ATG2B: variants seen among roughly 807,000 people sequenced by gnomAD.
ATG2B encodes autophagy-related protein 2 homolog B.
ATG2B carries 121 observed loss-of-function variants against 241.3 expected under a neutral mutation model. The observed-to-expected ratio is 0.50, with a 90% CI of 0.43 to 0.58. The LOEUF (loss-of-function observed/expected upper bound fraction) is 0.58. ATG2B is among the 20% of genes least tolerant of loss of function. ATG2B has a pLI of 0.00. For synonymous variants in ATG2B, 858 were observed against 876.6 expected, an observed-to-expected ratio of 0.98 and a Z score of 0.37; for missense variants, 2,306 against 2,491.6, an observed-to-expected ratio of 0.93 and a Z score of 1.59.
chr14:96,325,508 G>T (rs1566725977), intron 15 of ATG2B, 141 bp downstream of exon 15: 7 of 761,240 alleles, frequency 9.2e-6, no homozygotes, highest in Non-Finnish European at 1.0e-5. Flanking sequence ...ATACTAGAAA[G>T]ACATTGTTGC....
chr14:96,361,926 G>C (rs1888643369), intron 1 of ATG2B, among the ~76,000 whole-genome samples: 1 of 152,140 alleles, frequency 6.6e-6, no homozygotes, highest in Non-Finnish European at 1.5e-5. Flanking sequence ...GGCTAAGGAA[G>C]TAAGGGTTGG....
chr14:96,302,088 G>A lies in ATG2B; in HGVS notation c.5058C>T (p.His1686=), dbSNP rs117481952. The A allele has an allele frequency of 4.8e-3, 7,809 of 1,613,334 alleles. 245 individuals are homozygous for A. In the South Asian group the frequency reaches 0.058, roughly 12 times the overall value. ...GGGACCTGCCAGATTCTGGACACACGTGTAAGGCTTTCACTGTCAACTACA... is the reference window on the plus strand; with the variant it reads ...GGGACCTGCCAGATTCTGGACACACATGTAAGGCTTTCACTGTCAACTACA... ...HSNMLTVKAL[H]VCPESGRSPQ... Residue 1686 remains histidine, a synonymous_variant, in exon 34 of 42, where the codon CAC becomes CAT. Coordinates refer to ENST00000359933, the MANE Select transcript of ATG2B (RefSeq NM_018036.7).
intron 4 of ATG2B, among the ~76,000 whole-genome samples, chr14:96,343,504 A>G (rs1344104332): frequency 1.3e-5 from 2 of 152,202 alleles, no homozygotes; most frequent in Non-Finnish European, 2.9e-5. Context: ...TTCAAGTGTT[A>G]GCACTTCTTA....
chr14:96,309,455 T>C lies in ATG2B; in HGVS notation c.4301A>G (p.Asn1434Ser). The change falls in exon 29 of 42, where the codon AAT becomes AGT. Residue 1434 changes from asparagine to serine, a missense_variant and splice_region_variant. Asn to Ser is a conservative substitution (Grantham distance 46). This residue lies in a region of ATG2B where 1,927 missense variants were observed against 2,011.2 expected (regional missense o/e 0.96). Coordinates refer to ENST00000359933, the MANE Select transcript of ATG2B (RefSeq NM_018036.7). ...CCTGAGAAGAGTCCTGGTCTTACCA[T>C]TAGCCTGTGGTTTTACTGACGAGGT... ...QGTSSVKPQA[N>S]GVLDEKSQIQ... 1 of 1,613,746 alleles carries C rather than the reference T, an allele frequency of 6.2e-7. No individual in the cohort carries two copies. Among genetic ancestry groups the C allele is most frequent in the African/African-American group, 1.3e-5 (1 of 75,030 alleles).
In ATG2B at chr14:96,331,583, C is replaced by T. The variant is rs373186712; in HGVS notation, c.1523G>A (p.Arg508Lys). ...GATTGAAAAAGTTCCCACAGCTAGT[C>T]TAAAAATAAGTTCAGGCCTTGATTC... is the stretch of plus-strand genomic sequence containing the variant. ...VDESRPELIFRLAVGTFSISV... is the reference protein window; with the variant it reads ...VDESRPELIFKLAVGTFSISV... The change falls in exon 11 of 42, where the codon AGA (arginine) becomes AAA (lysine). Residue 508 changes from arginine to lysine, a missense_variant. This residue lies in a region of ATG2B where 1,927 missense variants were observed against 2,011.2 expected (regional missense o/e 0.96). Coordinates refer to ENST00000359933, the MANE Select transcript of ATG2B (RefSeq NM_018036.7). 8 of 1,613,752 alleles carry T rather than the reference C, an allele frequency of 5.0e-6. 1 individual carries two copies. The highest frequency in any genetic ancestry group is 2.2e-5 in the East Asian group (1 of 44,858).
chr14:96,339,231 A>C lies in ATG2B; in HGVS notation c.924+2291T>G, dbSNP rs542557731. Among the ~76,000 whole-genome samples, 20 of 152,070 alleles carry C rather than the reference A, an allele frequency of 1.3e-4. No homozygotes were observed. The South Asian group carries it at 4.1e-3, about 32-fold the overall frequency. On this transcript the variant is annotated intron_variant, in intron 6 of 41. Transcript: ENST00000359933. ...GAAAGCAGTATGGAAATTCCTTAAA[A>C]AACTAAAAGTAGATCTACCATTCGA...
At chr14:96,298,419 T>G (rs1013711549) in intron 34 of ATG2B, among the ~76,000 whole-genome samples, 7 of 152,134 alleles carry the variant, frequency 4.6e-5, no homozygotes, top group African/African-American at 1.7e-4. Flanking sequence ...ATTCTACTCT[T>G]ATATATGTAT....
Position 96,343,119 on chromosome 14 carries a change from C to T in ATG2B, c.744G>A (p.Val248=). The part of the protein sequence containing the change: ...KSSPVCSTAP[V]ETEPKLSPSW... ...TTTTAGGGTTTTTGTTTTTTCTTAC[C>T]ACTGGTGCAGTTGAACACACTGGGG... is the stretch of plus-strand genomic sequence containing the variant. The change falls in exon 5 of 42, where the codon GTG becomes GTA. Residue 248 remains valine (V), a splice_region_variant and synonymous_variant. Transcript: ENST00000359933. The T allele has an allele frequency of 1.3e-6, 2 of 1,540,042 alleles. No homozygotes were observed. The highest frequency in any genetic ancestry group is 2.3e-5 in the East Asian group (1 of 43,300).
In ATG2B at chr14:96,309,716, C is replaced by A. The variant is rs531283230; in HGVS notation, c.4162-122G>T. 1.2e-4 allele frequency: 112 copies of A among 924,268 alleles called. 2 individuals carry two copies. Among genetic ancestry groups the A allele is most frequent in the Middle Eastern group, 7.2e-4 (2 of 2,782 alleles). The allele number at this position is 924,268 out of a possible 1,614,324, so 57.3% of individuals were successfully genotyped here. A position where few individuals can be genotyped will look rare whatever the true frequency, so the allele number is the denominator to read the frequency against. ...AAAACATCAGAAATAGAAACCTACT[C>A]ATTTTTCTATGCCCAGCAGCTGTTA... On this transcript the variant is annotated intron_variant, in intron 28 of 41. Transcript: ENST00000359933.
At chr14:96,317,049 AAAATATC>A (rs1718710056) in intron 20 of ATG2B, 89 bp downstream of exon 20, 1 of 1,223,464 alleles carries the variant, frequency 8.2e-7, no homozygotes, top group Admixed American at 2.3e-5. Flanking sequence ...AAACAACTTC[AAAATATC>A]AAATACTTCA....
chr14:96,350,113 G>A (rs944033429), intron 1 of ATG2B, among the ~76,000 whole-genome samples: 1 of 152,090 alleles, frequency 6.6e-6, no homozygotes, highest in African/African-American at 2.4e-5. Context: ...CCAAGACTGT[G>A]CCCCTATACT....
intron 6 of ATG2B, among the ~76,000 whole-genome samples, chr14:96,338,714 C>T (rs1283851255): frequency 1.3e-5 from 2 of 152,094 alleles, no homozygotes; most frequent in Non-Finnish European, 2.9e-5. Context: ...AAAAACTCTT[C>T]TGGACATTGG....
intron 1 of ATG2B, among the ~76,000 whole-genome samples, chr14:96,349,095 C>T (rs1208524251): frequency 6.6e-6 from 1 of 152,154 alleles, no homozygotes; most frequent in East Asian, 1.9e-4. Flanking sequence ...TTCAAGGCAG[C>T]CCACTTGAAG....
rs1355722292 is a variant in ATG2B at position 96,315,413 on chromosome 14, A to G, written c.3532T>C (p.Leu1178=). Residue 1178 remains leucine, a synonymous_variant, in exon 22 of 42, where the codon TTG becomes CTG. Coordinates refer to ENST00000359933, the MANE Select transcript of ATG2B (RefSeq NM_018036.7). Reference sequence around the variant, plus strand: ...GTATTGGACTCTGATTTATCAGACAATATTTTAACGGCAACAGACAGCATA... The same window carrying G: ...GTATTGGACTCTGATTTATCAGACAGTATTTTAACGGCAACAGACAGCATA... The part of the protein sequence containing the change: ...LNMLSVAVKI[L]SDKSESNTKE... 4.3e-6 allele frequency: 7 copies of G among 1,614,232 alleles called. No homozygotes were observed. Among genetic ancestry groups the G allele is most frequent in the Non-Finnish European group, 2.5e-6 (3 of 1,180,034 alleles).
At chr14:96,343,064 T>A in intron 5 of ATG2B, 55 bp downstream of exon 5, 2 of 1,403,782 alleles carry the variant, frequency 1.4e-6, no homozygotes, top group Non-Finnish European at 1.9e-6. Context: ...TAGCCCCCAT[T>A]TAAACCTTTT....
chr14:96,340,130 T>G (rs576019294), intron 6 of ATG2B, among the ~76,000 whole-genome samples: 22 of 23,446 alleles, frequency 9.4e-4, no homozygotes, highest in African/African-American at 6.6e-3. Flanking sequence ...AATATATATA[T>G]CATATATGAT....
At position 96,345,351 on chromosome 14, in the gene ATG2B, A is replaced by G; in HGVS notation, c.360T>C (p.Phe120=). The change falls in exon 3 of 42, where the codon TTT becomes TTC. Residue 120 remains phenylalanine (F), a synonymous_variant. Coordinates refer to ENST00000359933, the MANE Select transcript of ATG2B (RefSeq NM_018036.7). ...TTGCCAATTGCATACTGCTGGTCAT[A>G]AAACTTGACCAATACATAGGCTCAG... ...TGSEPMYWSS[F]MTSSMQLAKE... 2 of 1,612,514 alleles carry G rather than the reference A, an allele frequency of 1.2e-6. No homozygotes were observed. The highest frequency in any genetic ancestry group is 1.7e-6 in the Non-Finnish European group (2 of 1,179,250).
chr14:96,332,503 C>T lies in ATG2B; in HGVS notation c.1360G>A (p.Val454Met), dbSNP rs117507139. Reference protein sequence around the residue: ...TPAGSPLSATVLQPTWGEFLD... With the variant: ...TPAGSPLSATMLQPTWGEFLD... Reference sequence around the variant, plus strand: ...AGAAAAATTAAGTAATACTTTACCACAGTAGCACTTAATGGAGATCCTGCT... The same window carrying T: ...AGAAAAATTAAGTAATACTTTACCATAGTAGCACTTAATGGAGATCCTGCT... The change falls in exon 9 of 42, where the codon GTG becomes ATG. Residue 454 changes from valine (V) to methionine (M), a missense_variant and splice_region_variant. By Grantham distance (21) the Val-to-Met change is conservative. This residue lies in a region of ATG2B where 1,927 missense variants were observed against 2,011.2 expected (regional missense o/e 0.96). Coordinates refer to ENST00000359933, the MANE Select transcript of ATG2B (RefSeq NM_018036.7). 6.1e-3 allele frequency: 9,868 copies of T among 1,610,572 alleles called. 44 individuals are homozygous for T. Among genetic ancestry groups the T allele is most frequent in the Non-Finnish European group, 6.9e-3 (8,100 of 1,178,604 alleles).
At chr14:96,306,188 T>C (rs1342360621) in intron 30 of ATG2B, among the ~76,000 whole-genome samples, 3 of 152,216 alleles carry the variant, frequency 2.0e-5, no homozygotes, top group African/African-American at 7.2e-5. Flanking sequence ...TTTTTAATAA[T>C]AGGTTTATCC....
Sources: allele counts gnomAD v4.1 joint callset (sites outside exome capture counted in the v4.1 genomes callset), GRCh38; gene constraint gnomAD v4.1.1; regional missense constraint gnomAD v4.1.1; transcripts MANE v1.5; gene names NCBI Gene and HGNC (gene_info 2026-07-23, HGNC 2026-07-21).